SAMMSON: variants seen among roughly 807,000 people sequenced by gnomAD.
SAMMSON encodes survival associated mitochondrial melanoma specific oncogenic non-coding RNA.
chr3:70,347,159 G>A (rs1285265464), intron 7 of SAMMSON, among the ~76,000 whole-genome samples: 1 of 152,180 alleles, frequency 6.6e-6, no homozygotes, highest in Non-Finnish European at 1.5e-5. Flanking sequence ...AGATAACACA[G>A]GCAAGTAAAT....
intron 4 of SAMMSON, among the ~76,000 whole-genome samples, chr3:70,192,642 T>C (rs1254859970): frequency 6.6e-6 from 1 of 152,090 alleles, no homozygotes; most frequent in Non-Finnish European, 1.5e-5. Flanking sequence ...AAACGTGGAG[T>C]CTTTAGAACT....
At chr3:70,339,034 C>A (rs192763824) in intron 7 of SAMMSON, among the ~76,000 whole-genome samples, 3 of 151,930 alleles carry the variant, frequency 2.0e-5, no homozygotes, top group Non-Finnish European at 4.4e-5. Flanking sequence ...AAACAGCATG[C>A]TACTGGTACC....
chr3:70,096,955 A>G (rs548173951), intron 4 of SAMMSON, among the ~76,000 whole-genome samples: 21 of 152,334 alleles, frequency 1.4e-4, no homozygotes, highest in Non-Finnish European at 1.2e-4. Context: ...AATTGAAAAT[A>G]CAAATACGAC....
intron 4 of SAMMSON, among the ~76,000 whole-genome samples, chr3:70,124,912 C>T (rs959366475): frequency 6.6e-6 from 1 of 150,510 alleles, no homozygotes; most frequent in Non-Finnish European, 1.5e-5. Flanking sequence ...AATATAGTTC[C>T]AATACACTGA....
At chr3:70,359,368 G>A (rs1250164327) in intron 9 of SAMMSON, among the ~76,000 whole-genome samples, 2 of 152,084 alleles carry the variant, frequency 1.3e-5, no homozygotes. Context: ...GCCAGGTTTT[G>A]AATGGATCAA....
intron 4 of SAMMSON, among the ~76,000 whole-genome samples, chr3:70,119,075 AT>A (rs1292753241): frequency 5.3e-5 from 8 of 151,670 alleles, no homozygotes; most frequent in Non-Finnish European, 1.0e-4. Context: ...ATTTATTATT[AT>A]TTTTTTTGAG....
intron 7 of SAMMSON, among the ~76,000 whole-genome samples, chr3:70,293,725 A>G (rs1702263914): frequency 6.6e-6 from 1 of 152,018 alleles, no homozygotes; most frequent in Non-Finnish European, 1.5e-5. Context: ...ATTTTTTTAA[A>G]TTACATTAAT....
At chr3:70,300,027 T>C (rs1156947898) in intron 7 of SAMMSON, among the ~76,000 whole-genome samples, 1 of 152,164 alleles carries the variant, frequency 6.6e-6, no homozygotes. Context: ...CATCAGTTTG[T>C]ATTGTTACTG....
chr3:70,209,204 T>C (rs1701318755), intron 4 of SAMMSON, among the ~76,000 whole-genome samples: 1 of 152,136 alleles, frequency 6.6e-6, no homozygotes, highest in African/African-American at 2.4e-5. Context: ...TTGGGCCAGA[T>C]AATTTTTTGG....
chr3:70,418,955 CT>C (rs1559585481), intron 2 of SAMMSON, among the ~76,000 whole-genome samples: 11 of 94,504 alleles, frequency 1.2e-4, no homozygotes, highest in Admixed American at 2.2e-4. Context: ...CTTTCCTTTC[CT>C]TTCCTTTCCT....
chr3:70,137,156 A>G (rs568679275), intron 4 of SAMMSON, among the ~76,000 whole-genome samples: 277 of 152,338 alleles, frequency 1.8e-3, no homozygotes, highest in Non-Finnish European at 3.3e-3. Context: ...GGTCATATAG[A>G]ATTAGGTAAA....
chr3:70,406,092 GTTAA>G (rs1202680335), intron 2 of SAMMSON, among the ~76,000 whole-genome samples: 2 of 152,094 alleles, frequency 1.3e-5, no homozygotes, highest in African/African-American at 4.8e-5. Flanking sequence ...TAATGCTTAT[GTTAA>G]TTAGTTTTAT....
At position 70,009,547 on chromosome 3, in the gene SAMMSON, T is replaced by G. The variant is rs1482197434; in HGVS notation, n.23-2810T>G. 6.3e-3 allele frequency among the ~76,000 whole-genome samples: 964 copies of G among 152,160 alleles called. 3 individuals carry two copies. The highest frequency in any genetic ancestry group is 7.8e-3 in the Non-Finnish European group (530 of 67,998). Reference sequence around the variant, plus strand: ...CTCTCTTTTCTTCTTTATTAGTCTTTCTAGCAGTCTATCAATTTTGTTGAT... The same window carrying G: ...CTCTCTTTTCTTCTTTATTAGTCTTGCTAGCAGTCTATCAATTTTGTTGAT... On this transcript the variant is annotated intron_variant and non_coding_transcript_variant, in intron 1 of 9. Coordinates refer to ENST00000642114, the Ensembl canonical transcript of SAMMSON.
intron 2 of SAMMSON, among the ~76,000 whole-genome samples, chr3:70,396,839 CAGTGTTGGGGA>C (rs1204431145): frequency 2.0e-5 from 3 of 152,058 alleles, no homozygotes; most frequent in Non-Finnish European, 2.9e-5. Flanking sequence ...GTTGGGAAGA[CAGTGTTGGGGA>C]AGTGTTGGGG....
chr3:70,279,645 C>A (rs182222006), intron 6 of SAMMSON, among the ~76,000 whole-genome samples: 77 of 152,264 alleles, frequency 5.1e-4, no homozygotes, highest in Admixed American at 4.4e-3. Flanking sequence ...CATGCTGAGT[C>A]CTATTTGCAT....
chr3:70,113,785 G>T (rs1270369653), intron 4 of SAMMSON, among the ~76,000 whole-genome samples: 1 of 152,172 alleles, frequency 6.6e-6, no homozygotes, highest in East Asian at 1.9e-4. Context: ...ATTAGGTTTA[G>T]ATGAGGTCTT....
At chr3:70,324,469 T>G (rs376447132) in intron 7 of SAMMSON, among the ~76,000 whole-genome samples, 2 of 139,610 alleles carry the variant, frequency 1.4e-5, no homozygotes, top group African/African-American at 5.3e-5. Flanking sequence ...TTTGAGAAAC[T>G]GAAATCATCC....
At chr3:70,209,461 T>G (rs1701321286) in intron 4 of SAMMSON, among the ~76,000 whole-genome samples, 2 of 152,008 alleles carry the variant, frequency 1.3e-5, no homozygotes, top group Non-Finnish European at 2.9e-5. Flanking sequence ...AACTTAAGCA[T>G]CACAAAGAGT....
intron 6 of SAMMSON, among the ~76,000 whole-genome samples, chr3:70,251,283 A>T (rs1701765445): frequency 6.6e-6 from 1 of 152,102 alleles, no homozygotes; most frequent in Non-Finnish European, 1.5e-5. Flanking sequence ...AGTTCTTAGA[A>T]CTCAATGTCC....
Sources: gnomAD v4.1 joint callset for allele counts (sites outside exome capture counted in the v4.1 genomes callset) on GRCh38, gnomAD v4.1.1 for gene constraint, MANE v1.5 for transcripts, NCBI Gene and HGNC (gene_info 2026-07-23, HGNC 2026-07-21) for gene names.